Variants in NBAS observed in about 807,000 individuals in gnomAD.
NBAS encodes NBAS subunit of NRZ tethering complex.
A neutral mutation model predicts 302.5 loss-of-function variants in NBAS; 219 were observed. The ratio of observed to expected loss-of-function variants is 0.72; its 90% CI spans 0.65 to 0.81. The LOEUF (loss-of-function observed/expected upper bound fraction) is 0.81, where lower values mean the gene tolerates loss of function less well. NBAS is among the 30% of genes least tolerant of loss of function. The pLI, the probability that NBAS is intolerant of heterozygous loss-of-function variation, is 0.00. For synonymous variants in NBAS, 1,118 were observed against 1,021.6 expected (o/e 1.09, Z -1.80); for missense variants, 2,932 against 2,841.6 (o/e 1.03, Z -0.72).
At chr2:15,365,909 C>T (rs1674175128) in intron 32 of NBAS, among the ~76,000 whole-genome samples, 1 of 151,884 alleles carries the variant, frequency 6.6e-6, no homozygotes. Context: ...GACTGGTGAG[C>T]AGAAGGATGT....
intron 51 of NBAS, among the ~76,000 whole-genome samples, chr2:15,176,879 G>C (rs1467394043): frequency 1.3e-5 from 2 of 152,148 alleles, no homozygotes; most frequent in African/African-American, 4.8e-5. Flanking sequence ...ACAACTGAAC[G>C]TGAATTTAAA....
At position 15,238,586 on chromosome 2, in the gene NBAS, T is replaced by C. The variant is rs1667713123; in HGVS notation, c.5825A>G (p.Gln1942Arg). 3 of 1,612,910 alleles carry C rather than the reference T, an allele frequency of 1.9e-6. No homozygotes were observed. Among genetic ancestry groups the C allele is most frequent in the Non-Finnish European group, 2.5e-6 (3 of 1,179,086 alleles). The change falls in exon 45 of 52, where the codon CAA (glutamine) becomes CGA (arginine). Residue 1942 changes from glutamine to arginine, a missense_variant. Physicochemically the swap from Gln to Arg is conservative, Grantham distance 43. Coordinates refer to ENST00000281513, the MANE Select transcript of NBAS (RefSeq NM_015909.4). The stretch of plus-strand genomic sequence containing the variant: ...GGTAACTTTAGAATCCTTAGCTTCT[T>C]GAGCTTCGTCTTCTGAGTTTCTTTT... The part of the protein sequence containing the change: ...PRKRNSEDEA[Q>R]EAKDSKVTYA...
the NBAS span, among the ~76,000 whole-genome samples, chr2:15,067,500 A>C: frequency 2.1e-5 from 3 of 145,668 alleles, no homozygotes; most frequent in African/African-American, 7.7e-5. Context: ...GAAAAGAAAG[A>C]GAGTAAGAAA....
the NBAS span, among the ~76,000 whole-genome samples, chr2:14,996,424 G>A: frequency 6.6e-6 from 1 of 152,148 alleles, no homozygotes; most frequent in East Asian, 1.9e-4. Context: ...CCCAGTTTCA[G>A]TCCAGATAGT....
chr2:14,818,822 C>T, the NBAS span, among the ~76,000 whole-genome samples: 22 of 152,204 alleles, frequency 1.4e-4, no homozygotes, highest in Non-Finnish European at 3.1e-4. Flanking sequence ...ACTCTCTGCT[C>T]TCCGGGTACT....
chr2:15,560,626 T>C (rs919399244), intron 1 of NBAS, among the ~76,000 whole-genome samples: 2 of 151,898 alleles, frequency 1.3e-5, no homozygotes, highest in Non-Finnish European at 2.9e-5. Context: ...TTAAATGCTC[T>C]TTTATTGAAA....
intron 44 of NBAS, among the ~76,000 whole-genome samples, chr2:15,256,593 C>G (rs1668609691): frequency 1.3e-5 from 2 of 152,102 alleles, no homozygotes; most frequent in African/African-American, 4.8e-5. Flanking sequence ...TGCTGAATAG[C>G]ATCAACATTA....
intron 26 of NBAS, among the ~76,000 whole-genome samples, chr2:15,398,345 A>G (rs1011518615): frequency 6.6e-6 from 1 of 152,068 alleles, no homozygotes; most frequent in Non-Finnish European, 1.5e-5. Context: ...GGGTCTTCCT[A>G]TGTTCCCCAG....
intron 9 of NBAS, 63 bp downstream of exon 9, chr2:15,534,480 T>C: frequency 1.7e-6 from 2 of 1,178,256 alleles, no homozygotes; most frequent in Non-Finnish European, 2.6e-6. Context: ...AATAGTTTCT[T>C]CTATCTGAAT....
intron 24 of NBAS, 132 bp from the exon 25 acceptor site, chr2:15,415,851 A>C: frequency 1.1e-6 from 1 of 918,538 alleles, no homozygotes; most frequent in Non-Finnish European, 1.8e-6. Flanking sequence ...CAACACTCTA[A>C]AACACACAGT....
At chr2:14,912,101 C>T in the NBAS span, among the ~76,000 whole-genome samples, 1 of 152,212 alleles carries the variant, frequency 6.6e-6, no homozygotes, top group South Asian at 2.1e-4. Context: ...ATACTGTAGG[C>T]AATTATAACA....
chr2:15,178,229 A>T, intron 51 of NBAS: 1 of 460,356 alleles, frequency 2.2e-6, no homozygotes. Flanking sequence ...TACAATGTAA[A>T]ATTACATATG....
At chr2:15,507,456 T>C (rs1216035418) in intron 10 of NBAS, among the ~76,000 whole-genome samples, 3 of 152,272 alleles carry the variant, frequency 2.0e-5, no homozygotes, top group African/African-American at 7.2e-5. Flanking sequence ...TTGTTCATTC[T>C]CATATAGTTT....
intron 17 of NBAS, 86 bp from the exon 18 acceptor site, chr2:15,467,890 A>G: frequency 8.9e-7 from 1 of 1,118,944 alleles, no homozygotes; most frequent in Non-Finnish European, 1.3e-6. Flanking sequence ...GACTGATTTC[A>G]TTATTGATTT....
At chr2:15,136,351 G>C in the NBAS span, among the ~76,000 whole-genome samples, 1 of 152,158 alleles carries the variant, frequency 6.6e-6, no homozygotes, top group African/African-American at 2.4e-5. Context: ...ATTTCCCCTG[G>C]AAAGGGCCAT....
At chr2:14,868,870 C>T in the NBAS span, among the ~76,000 whole-genome samples, 1 of 152,160 alleles carries the variant, frequency 6.6e-6, no homozygotes, top group Non-Finnish European at 1.5e-5. Flanking sequence ...AGAAAGATGG[C>T]TGAGGGGTGG....
the NBAS span, among the ~76,000 whole-genome samples, chr2:15,146,657 G>T: frequency 6.6e-6 from 1 of 152,114 alleles, no homozygotes; most frequent in South Asian, 2.1e-4. Context: ...AACCCAGGAT[G>T]CAGTGAGTCT....
chr2:15,293,046 A>T (rs921479223), intron 40 of NBAS, among the ~76,000 whole-genome samples: 5 of 152,020 alleles, frequency 3.3e-5, no homozygotes, highest in African/African-American at 1.2e-4. Flanking sequence ...CACTTAAAAA[A>T]CAATATATTC....
At position 15,330,670 on chromosome 2, in the gene NBAS, G is replaced by C; in HGVS notation, c.4275C>G (p.Thr1425=). The change falls in exon 36 of 52, where the codon ACC becomes ACG. Residue 1425 remains threonine (T), a synonymous_variant. Coordinates refer to ENST00000281513, the MANE Select transcript of NBAS (RefSeq NM_015909.4). ...CACTGACGGCCTGCAGCACCGCTTT[G>C]GTGGTGGTTGTGGTGTTGGAAAGGA... ...MKVLSNTTTT[T]KAVLQAVSDG... 1 of 1,614,070 alleles carries C rather than the reference G, an allele frequency of 6.2e-7. No homozygotes were observed. The highest frequency in any genetic ancestry group is 8.5e-7 in the Non-Finnish European group (1 of 1,179,966).
Sources: allele counts gnomAD v4.1 joint callset (sites outside exome capture counted in the v4.1 genomes callset), GRCh38; gene constraint gnomAD v4.1.1; transcripts MANE v1.5; gene names NCBI Gene and HGNC (gene_info 2026-07-23, HGNC 2026-07-21).